The following TBC1D5 variants were observed in gnomAD, a reference collection of about 807,000 sequenced individuals.
The protein encoded by TBC1D5 is TBC1 domain family, member 5.
In TBC1D5, 75 loss-of-function variants were observed where a neutral mutation model predicts 100.3. The ratio of observed to expected loss-of-function variants is 0.75; its 90% CI spans 0.62 to 0.91. The LOEUF (loss-of-function observed/expected upper bound fraction) is 0.91. Ranked by LOEUF, TBC1D5 falls within the 40% of genes least tolerant of loss-of-function variation. TBC1D5 has a pLI of 0.00. For synonymous variants in TBC1D5, 323 were observed against 325.6 expected, an observed-to-expected ratio of 0.99 and a Z score of 0.09; for missense variants, 910 against 942.4, an observed-to-expected ratio of 0.97 and a Z score of 0.45.
chr3:17,588,536 C>T (rs1290948401), intron 2 of TBC1D5, among the ~76,000 whole-genome samples: 1 of 151,628 alleles, frequency 6.6e-6, no homozygotes, highest in African/African-American at 2.4e-5. Flanking sequence ...ATTTATGTAA[C>T]ATCTGTTTTC....
chr3:17,644,276 T>C lies in TBC1D5; in HGVS notation c.-100-20363A>G, dbSNP rs1480406480. On this transcript the variant is annotated intron_variant, in intron 1 of 21. Transcript: ENST00000253692. ...TTATCCTCTGTGTTTGTTGATTAAA[T>C]ACTTCAGTCTTACACTGAGGTCAAA... 3.9e-5 allele frequency among the ~76,000 whole-genome samples: 6 copies of C among 152,164 alleles called. No homozygotes were observed. In the South Asian group the frequency reaches 8.3e-4, roughly 21 times the overall value.
At chr3:17,443,018 T>A (rs973454859) in intron 3 of TBC1D5, among the ~76,000 whole-genome samples, 1 of 152,124 alleles carries the variant, frequency 6.6e-6, no homozygotes, top group Non-Finnish European at 1.5e-5. Context: ...CAGAGTTTCA[T>A]AACAAATTAT....
intron 4 of TBC1D5, among the ~76,000 whole-genome samples, chr3:17,425,776 T>TA (rs1363707171): frequency 1.3e-5 from 2 of 152,088 alleles, no homozygotes; most frequent in African/African-American, 4.8e-5. Flanking sequence ...CAACATATGT[T>TA]AGAGAAGGGT....
At chr3:17,474,426 T>C (rs1318545550) in intron 3 of TBC1D5, among the ~76,000 whole-genome samples, 1 of 152,146 alleles carries the variant, frequency 6.6e-6, no homozygotes, top group Non-Finnish European at 1.5e-5. Context: ...TCATTAAAAA[T>C]TGAACATTAT....
exon 13 of TBC1D5, chr3:17,372,129 A>G (rs1336797783): frequency 4.3e-6 from 7 of 1,613,690 alleles, no homozygotes; most frequent in African/African-American, 4.0e-5. Context: ...GTAAAGCTCA[A>G]TATCATGCTT....
At chr3:17,718,735 C>T (rs929621239) in intron 1 of TBC1D5, among the ~76,000 whole-genome samples, 142 of 152,268 alleles carry the variant, frequency 9.3e-4, no homozygotes, top group African/African-American at 3.3e-3. Flanking sequence ...AAACTCTGCA[C>T]CAATTAAACA....
At chr3:17,455,947 C>A (rs536145655) in intron 3 of TBC1D5, among the ~76,000 whole-genome samples, 1 of 152,246 alleles carries the variant, frequency 6.6e-6, no homozygotes, top group South Asian at 2.1e-4. Flanking sequence ...AGCACAGAAA[C>A]AAACACAGAC....
chr3:17,410,101 A>T (rs1172072604), intron 4 of TBC1D5, among the ~76,000 whole-genome samples: 3 of 152,178 alleles, frequency 2.0e-5, no homozygotes, highest in African/African-American at 7.2e-5. Context: ...CTCTTGTTAC[A>T]GGATAATGCA....
At chr3:17,444,899 T>A (rs527520903) in intron 3 of TBC1D5, among the ~76,000 whole-genome samples, 1 of 152,124 alleles carries the variant, frequency 6.6e-6, no homozygotes, top group African/African-American at 2.4e-5. Flanking sequence ...AGAAAAAGAA[T>A]TACCCATCAT....
At chr3:17,620,252 T>C (rs924351450) in intron 2 of TBC1D5, among the ~76,000 whole-genome samples, 11 of 152,198 alleles carry the variant, frequency 7.2e-5, no homozygotes, top group African/African-American at 2.7e-4. Context: ...GTAGCTGGGA[T>C]TACAGGGGCA....
chr3:17,623,221 T>C (rs551651016), intron 2 of TBC1D5, among the ~76,000 whole-genome samples: 3 of 152,290 alleles, frequency 2.0e-5, no homozygotes, highest in South Asian at 2.1e-4. Context: ...TTAGTAGGTA[T>C]GGGGTTAGGT....
intron 3 of TBC1D5, among the ~76,000 whole-genome samples, chr3:17,452,235 CAGGA>C (rs1439349979): frequency 3.3e-5 from 5 of 151,710 alleles, no homozygotes; most frequent in East Asian, 3.9e-4. Context: ...AGAAGGAAGA[CAGGA>C]AGGAAGGAAG....
chr3:17,377,743 T>C (rs1456068520), intron 9 of TBC1D5, among the ~76,000 whole-genome samples: 4 of 152,032 alleles, frequency 2.6e-5, no homozygotes, highest in Admixed American at 2.6e-4. Context: ...AAAGATAATA[T>C]GCAAGTTAAC....
At chr3:17,603,352 GC>G (rs1402590296) in intron 2 of TBC1D5, among the ~76,000 whole-genome samples, 1 of 151,962 alleles carries the variant, frequency 6.6e-6, no homozygotes, top group Non-Finnish European at 1.5e-5. Context: ...GCGTAAAGCA[GC>G]CAGAAGAACG....
At chr3:17,677,652 A>G (rs2068821793) in intron 1 of TBC1D5, among the ~76,000 whole-genome samples, 3 of 152,214 alleles carry the variant, frequency 2.0e-5, no homozygotes, top group Admixed American at 1.3e-4. Flanking sequence ...CTGGGTATAT[A>G]CCCAAAGGAT....
intron 2 of TBC1D5, among the ~76,000 whole-genome samples, chr3:17,582,175 A>C (rs2096702670): frequency 6.6e-6 from 1 of 152,224 alleles, no homozygotes. Flanking sequence ...ATGTAAGCTT[A>C]ATCAAGTTAA....
chr3:17,636,027 T>C (rs2063884338), intron 1 of TBC1D5, among the ~76,000 whole-genome samples: 4 of 151,962 alleles, frequency 2.6e-5, no homozygotes, highest in Admixed American at 2.6e-4. Flanking sequence ...ACCCCACCTC[T>C]ACTAAAAATA....
intron 2 of TBC1D5, among the ~76,000 whole-genome samples, chr3:17,513,882 C>A (rs1241771000): frequency 6.6e-6 from 1 of 152,022 alleles, no homozygotes; most frequent in East Asian, 1.9e-4. Flanking sequence ...CTGGTAGAAG[C>A]TACGTTTTCA....
chr3:17,591,262 A>AAAAAAG (rs763680272), intron 2 of TBC1D5, among the ~76,000 whole-genome samples: 11 of 112,834 alleles, frequency 9.7e-5, no homozygotes, highest in Admixed American at 9.3e-4. Context: ...AAAAAAAAAA[A>AAAAAAG]AAAACAAAAA....
Sources: allele counts gnomAD v4.1 joint callset (sites outside exome capture counted in the v4.1 genomes callset), GRCh38; gene constraint gnomAD v4.1.1; transcripts MANE v1.5; gene names NCBI Gene and HGNC (gene_info 2026-07-23, HGNC 2026-07-21).